RNF220: variants seen among roughly 807,000 people sequenced by gnomAD.
The protein encoded by RNF220 is ring finger protein 220.
RNF220 carries 7 observed loss-of-function variants against 67.1 expected under a neutral mutation model. The ratio of observed to expected loss-of-function variants is 0.10; its 90% CI spans 0.06 to 0.20. The LOEUF (loss-of-function observed/expected upper bound fraction) is 0.20, where lower values mean the gene tolerates loss of function less well. Among genes scored for constraint, RNF220 ranks in the 10% least tolerant of loss-of-function variants. The probability of loss-of-function intolerance (pLI) is 1.00; values close to 1 mark genes in which losing one functional copy is unlikely to be tolerated. For missense variants in RNF220, 565 were observed against 740.3 expected (o/e 0.76, Z 2.75); for synonymous variants, 270 against 283.2 (o/e 0.95, Z 0.47).
chr1:44,473,486 A>G (rs1225894639), intron 2 of RNF220, among the ~76,000 whole-genome samples: 1 of 86,400 alleles, frequency 1.2e-5, no homozygotes, highest in Non-Finnish European at 2.1e-5. Flanking sequence ...CTCATCAGGG[A>G]TGGCGGGGGC....
rs1487958344 is a variant in RNF220, at chr1:44,412,198, C to A, written c.101C>A (p.Ala34Asp). 6.8e-6 allele frequency: 11 copies of A among 1,614,198 alleles called. No individual in the cohort carries two copies. The highest frequency in any genetic ancestry group is 1.3e-5 in the African/African-American group (1 of 75,058). ...ATGGTCCTGGCATCCACGGCTGAGG[C>A]CAGCCGTGATGCTTCCATCCCTTGT... ...ALMVLASTAE[A>D]SRDASIPCQQ... Residue 34 changes from alanine to aspartate, a missense_variant, in exon 2 of 15, where the codon GCC becomes GAC. By Grantham distance (126) the Ala-to-Asp change is moderately radical. Coordinates refer to ENST00000361799, the MANE Select transcript of RNF220 (RefSeq NM_018150.4). The surrounding 1 kb of genome is among the most constrained non-coding windows in gnomAD (Gnocchi z 5.3).
At chr1:44,531,250 C>T (rs1320571116) in intron 2 of RNF220, among the ~76,000 whole-genome samples, 3 of 152,198 alleles carry the variant, frequency 2.0e-5, no homozygotes, top group Non-Finnish European at 4.4e-5. Flanking sequence ...CAATCCAGCC[C>T]AAACTATTTC....
chr1:44,590,555 G>A (rs1227353625), intron 2 of RNF220, among the ~76,000 whole-genome samples: 1 of 152,222 alleles, frequency 6.6e-6, no homozygotes, highest in Admixed American at 6.5e-5. Flanking sequence ...AAACTTGGGT[G>A]ATTCTCTGCT....
At chr1:44,486,629 A>AC (rs1408566115) in intron 2 of RNF220, among the ~76,000 whole-genome samples, 3 of 152,140 alleles carry the variant, frequency 2.0e-5, no homozygotes, top group Admixed American at 6.5e-5. Flanking sequence ...CTTCAGCAAT[A>AC]CCTACCTAGG....
chr1:44,453,191 A>T (rs1050830765), intron 2 of RNF220, among the ~76,000 whole-genome samples: 1 of 152,162 alleles, frequency 6.6e-6, no homozygotes, highest in Admixed American at 6.5e-5. Context: ...AAAATATAGT[A>T]TTAGTTTTAA....
intron 2 of RNF220, among the ~76,000 whole-genome samples, chr1:44,604,378 T>A (rs574523646): frequency 6.6e-6 from 1 of 152,252 alleles, no homozygotes; most frequent in East Asian, 1.9e-4. Context: ...CCCAGGGAGA[T>A]GTCTGGAAGT....
At chr1:44,535,483 G>A (rs1212892365) in intron 2 of RNF220, among the ~76,000 whole-genome samples, 1 of 152,146 alleles carries the variant, frequency 6.6e-6, no homozygotes, top group African/African-American at 2.4e-5. Flanking sequence ...TCCCACTGAT[G>A]TTCCTTGCCT....
At chr1:44,532,047 G>A (rs1660875247) in intron 2 of RNF220, among the ~76,000 whole-genome samples, 1 of 152,108 alleles carries the variant, frequency 6.6e-6, no homozygotes, top group Non-Finnish European at 1.5e-5. Context: ...AGTCAGTGCA[G>A]ATGACCTCTC....
At chr1:44,520,818 C>T in intron 2 of RNF220, among the ~76,000 whole-genome samples, 1 of 152,186 alleles carries the variant, frequency 6.6e-6, no homozygotes, top group African/African-American at 2.4e-5. Flanking sequence ...AGGTATTGTT[C>T]ATGGCAAACA....
chr1:44,611,599 C>T (rs1643313511), intron 2 of RNF220, among the ~76,000 whole-genome samples: 2 of 152,208 alleles, frequency 1.3e-5, no homozygotes, highest in Admixed American at 6.5e-5. Flanking sequence ...CTCCTCGTGC[C>T]TCCCACTGAG....
At chr1:44,480,063 A>T (rs1655654991) in intron 2 of RNF220, among the ~76,000 whole-genome samples, 1 of 152,168 alleles carries the variant, frequency 6.6e-6, no homozygotes, top group Non-Finnish European at 1.5e-5. Context: ...CCAATGTCAC[A>T]TATCTTTGTG....
chr1:44,500,946 T>G (rs1657794447), intron 2 of RNF220, among the ~76,000 whole-genome samples: 1 of 152,148 alleles, frequency 6.6e-6, no homozygotes, highest in Admixed American at 6.5e-5. Context: ...CCCTTGGCTC[T>G]TCTGTCCTGT....
chr1:44,493,960 AT>A (rs952815911), intron 2 of RNF220, among the ~76,000 whole-genome samples: 7 of 152,172 alleles, frequency 4.6e-5, no homozygotes, highest in African/African-American at 1.7e-4. Context: ...TAATCCCAGC[AT>A]TTTAGGAGGC....
intron 1 of RNF220, among the ~76,000 whole-genome samples, chr1:44,407,717 C>T (rs1333482587): frequency 6.6e-6 from 1 of 152,148 alleles, no homozygotes; most frequent in Non-Finnish European, 1.5e-5. Flanking sequence ...CACTGCGCAT[C>T]CGCAGTCCAG....
chr1:44,409,217 C>T (rs1647722472), intron 1 of RNF220, among the ~76,000 whole-genome samples: 1 of 150,014 alleles, frequency 6.7e-6, no homozygotes, highest in African/African-American at 2.5e-5. Flanking sequence ...CCCACAGATA[C>T]GGAACTGAAC....
intron 2 of RNF220, among the ~76,000 whole-genome samples, chr1:44,445,032 A>G (rs1651937114): frequency 6.6e-6 from 1 of 152,204 alleles, no homozygotes. Context: ...AGTACTTGAT[A>G]TTGTCAGACC....
In RNF220 at chr1:44,405,391, T is replaced by G; in HGVS notation, c.-257T>G. On this transcript the variant is annotated 5_prime_UTR_variant, in exon 1 of 15. Coordinates refer to ENST00000361799, the MANE Select transcript of RNF220 (RefSeq NM_018150.4). ...GCCAGCCGCCTACTGCTGCTGCTGC[T>G]GCTGCCGCTGCCGCCGCCGCCGCCG... The G allele has an allele frequency of 1.6e-6, 1 of 630,248 alleles. No individual in the cohort carries two copies. Among genetic ancestry groups the G allele is most frequent in the Non-Finnish European group, 2.9e-6 (1 of 349,348 alleles). The allele number at this position is 630,248 out of a possible 1,614,324, so 39.0% of individuals were successfully genotyped here.
At chr1:44,451,010 C>G (rs1049173994) in intron 2 of RNF220, among the ~76,000 whole-genome samples, 1 of 152,098 alleles carries the variant, frequency 6.6e-6, no homozygotes, top group East Asian at 1.9e-4. Flanking sequence ...AGTGAAACCC[C>G]GTCTCTACTA....
chr1:44,636,361 G>C (rs781733110), intron 8 of RNF220, 199 bp downstream of exon 8: 7 of 771,512 alleles, frequency 9.1e-6, no homozygotes, highest in Non-Finnish European at 1.6e-5. Context: ...TATTTGGGTG[G>C]GGAAATGGAA....
Sources: allele counts gnomAD v4.1 joint callset (sites outside exome capture counted in the v4.1 genomes callset), GRCh38; gene constraint gnomAD v4.1.1; non-coding constraint Gnocchi (gnomAD v3.1); transcripts MANE v1.5; gene names NCBI Gene and HGNC (gene_info 2026-07-23, HGNC 2026-07-21).